NAV3: variants seen among roughly 807,000 people sequenced by gnomAD.
NAV3 encodes neuron navigator 3.
A neutral mutation model predicts 244.7 loss-of-function variants in NAV3; 87 were observed. The ratio of observed to expected loss-of-function variants is 0.36; its 90% CI spans 0.30 to 0.42. The LOEUF (loss-of-function observed/expected upper bound fraction) is 0.42, where lower values mean the gene tolerates loss of function less well. Ranked by LOEUF, NAV3 falls within the 20% of genes least tolerant of loss-of-function variation. The probability of loss-of-function intolerance (pLI) is 1.00; values close to 1 mark genes in which losing one functional copy is unlikely to be tolerated. For missense variants in NAV3, 2,663 were observed against 2,893.3 expected, an observed-to-expected ratio of 0.92 and a Z score of 1.83; for synonymous variants, 1,126 against 1,042.2, an observed-to-expected ratio of 1.08 and a Z score of -1.55.
chr12:77,896,381 A>C (rs529451811), intron 1 of NAV3, among the ~76,000 whole-genome samples: 2 of 152,228 alleles, frequency 1.3e-5, no homozygotes, highest in Non-Finnish European at 2.9e-5. Flanking sequence ...TACATTAGAG[A>C]TTCAAATTCA....
At chr12:78,056,085 A>C (rs1480075131) in intron 11 of NAV3, 6 of 152,118 alleles carry the variant, frequency 3.9e-5, no homozygotes, top group African/African-American at 1.4e-4. Flanking sequence ...AAATACCTCA[A>C]ATCCTACATG....
intron 2 of NAV3, among the ~76,000 whole-genome samples, chr12:77,588,443 A>T (rs961045488): frequency 2.0e-5 from 3 of 152,098 alleles, no homozygotes; most frequent in Non-Finnish European, 4.4e-5. Flanking sequence ...GTTATATTTG[A>T]CCAGTAATAG....
chr12:77,706,173 A>G (rs1471971376), intron 2 of NAV3, among the ~76,000 whole-genome samples: 1 of 151,418 alleles, frequency 6.6e-6, no homozygotes, highest in Non-Finnish European at 1.5e-5. Context: ...AGTTAATGAA[A>G]TTCAGGTATA....
At chr12:78,187,238 A>G (rs757553362) in intron 31 of NAV3, among the ~76,000 whole-genome samples, 22 of 151,922 alleles carry the variant, frequency 1.4e-4, no homozygotes, top group Non-Finnish European at 3.1e-4. Flanking sequence ...TAAATATTAC[A>G]TATTAAGAGA....
At position 78,119,281 on chromosome 12, in the gene NAV3, C is replaced by T. The variant is rs762225870; in HGVS notation, c.3085C>T (p.Leu1029=). The T allele has an allele frequency of 6.2e-7, 1 of 1,614,068 alleles. No individual in the cohort carries two copies. The highest frequency in any genetic ancestry group is 1.1e-5 in the South Asian group (1 of 91,080). ...AGCTTCTGAGAAAGGAAAAGCTCCC[C>T]TAAAAGGATCATCTCTACAAAGATC... The part of the protein sequence containing the change: ...AKASEKGKAP[L]KGSSLQRSPS... Residue 1029 remains leucine (L), a synonymous_variant, in exon 15 of 40, where the codon CTA becomes TTA. Coordinates refer to ENST00000397909, the MANE Select transcript of NAV3 (RefSeq NM_001024383.2).
chr12:77,849,001 A>G (rs1187029275), intron 1 of NAV3, among the ~76,000 whole-genome samples: 1 of 152,188 alleles, frequency 6.6e-6, no homozygotes, highest in South Asian at 2.1e-4. Flanking sequence ...GAATTACTGC[A>G]TAATAGTGAT....
intron 2 of NAV3, among the ~76,000 whole-genome samples, chr12:77,573,809 C>CA (rs1868948382): frequency 1.3e-5 from 2 of 152,060 alleles, no homozygotes; most frequent in African/African-American, 4.8e-5. Flanking sequence ...GCTTTTATGA[C>CA]AAAAAAGATG....
At chr12:77,682,711 T>C (rs1451424831) in intron 2 of NAV3, among the ~76,000 whole-genome samples, 1 of 152,180 alleles carries the variant, frequency 6.6e-6, no homozygotes. Context: ...AGTAGTGAAG[T>C]GATACTTCAC....
Position 77,978,327 on chromosome 12 carries a change from A to C in NAV3, c.671+9625A>C, listed in dbSNP as rs541321152. Among the ~76,000 whole-genome samples the C allele has an allele frequency of 2.6e-5, 4 of 152,224 alleles. No homozygotes were observed. The South Asian group carries it at 8.3e-4, about 32-fold the overall frequency. On this transcript the variant is annotated intron_variant, in intron 5 of 39. Transcript: ENST00000397909. ...TGTGACTCATGATAACTAATTTGTG[A>C]TTAATTTATTTAAAATTTTATAACA...
chr12:77,698,733 G>A (rs1004824015), intron 2 of NAV3, among the ~76,000 whole-genome samples: 8 of 152,124 alleles, frequency 5.3e-5, no homozygotes, highest in Non-Finnish European at 1.0e-4. Flanking sequence ...ATACGGTTGA[G>A]GTATCCTCCT....
chr12:78,140,060 A>G (rs1406090458), intron 19 of NAV3, among the ~76,000 whole-genome samples: 21 of 152,190 alleles, frequency 1.4e-4, no homozygotes, highest in Non-Finnish European at 4.4e-5. Context: ...CTTCTGTCTA[A>G]TAACTTGGCA....
At chr12:77,600,957 A>T (rs1300245297) in intron 2 of NAV3, among the ~76,000 whole-genome samples, 1 of 151,988 alleles carries the variant, frequency 6.6e-6, no homozygotes, top group Non-Finnish European at 1.5e-5. Flanking sequence ...TCTGTATTAG[A>T]TAATGATGAA....
intron 1 of NAV3, among the ~76,000 whole-genome samples, chr12:77,918,614 G>T (rs113399885): frequency 8.0e-4 from 120 of 149,096 alleles, no homozygotes; most frequent in African/African-American, 2.7e-3. Context: ...TTTGTGGCCG[G>T]CTGCCCATCA....
chr12:78,135,846 CTTT>C (rs1593735545), intron 18 of NAV3, among the ~76,000 whole-genome samples: 1 of 152,068 alleles, frequency 6.6e-6, no homozygotes. Context: ...ATCCTTTCTT[CTTT>C]TTTTCCAATA....
intron 12 of NAV3, among the ~76,000 whole-genome samples, chr12:78,067,389 C>A (rs1165427196): frequency 6.6e-6 from 1 of 152,034 alleles, no homozygotes; most frequent in Non-Finnish European, 1.5e-5. Flanking sequence ...GAGACCAATG[C>A]AAAATAATAG....
At chr12:78,098,578 A>C (rs965866324) in intron 12 of NAV3, among the ~76,000 whole-genome samples, 2 of 151,932 alleles carry the variant, frequency 1.3e-5, no homozygotes, top group African/African-American at 4.8e-5. Flanking sequence ...TTATATCATA[A>C]AATTTTCTGG....
At chr12:77,926,906 A>G (rs1888280173) in intron 1 of NAV3, among the ~76,000 whole-genome samples, 2 of 152,356 alleles carry the variant, frequency 1.3e-5, no homozygotes, top group Non-Finnish European at 1.5e-5. Context: ...AGAAGCCTGG[A>G]AACTCTGAAC....
intron 9 of NAV3, among the ~76,000 whole-genome samples, chr12:78,024,483 A>G (rs1310585306): frequency 1.3e-5 from 2 of 152,082 alleles, no homozygotes; most frequent in African/African-American, 4.8e-5. Flanking sequence ...TATGTACTTC[A>G]CTTAAAAAAG....
intron 2 of NAV3, among the ~76,000 whole-genome samples, chr12:77,587,536 G>C (rs1310169063): frequency 6.6e-6 from 1 of 152,114 alleles, no homozygotes; most frequent in Non-Finnish European, 1.5e-5. Flanking sequence ...CAAGTAAAAT[G>C]TTAATCAGCA....
Sources: allele counts gnomAD v4.1 joint callset (sites outside exome capture counted in the v4.1 genomes callset), GRCh38; gene constraint gnomAD v4.1.1; transcripts MANE v1.5; gene names NCBI Gene and HGNC (gene_info 2026-07-23, HGNC 2026-07-21).